The following ASAP3 variants were observed in gnomAD, a reference collection of about 807,000 sequenced individuals.
The protein encoded by ASAP3 is arf-GAP with SH3 domain, ANK repeat and PH domain-containing protein 3.
Under a neutral mutation model 118.2 loss-of-function variants are expected in ASAP3, and 85 were observed. That is an observed-to-expected ratio of 0.72 (90% CI 0.60 to 0.86). ASAP3 has a LOEUF of 0.86. Ranked by LOEUF, ASAP3 falls within the 40% of genes least tolerant of loss-of-function variation. The pLI is 0.00. For missense variants in ASAP3, 1,026 were observed against 1,175.0 expected (o/e 0.87, Z 1.85); for synonymous variants, 432 against 477.4 (o/e 0.90, Z 1.24).
At chr1:23,435,123 G>T (rs1640592158) in intron 17 of ASAP3, among the ~76,000 whole-genome samples, 1 of 152,170 alleles carries the variant, frequency 6.6e-6, no homozygotes, top group South Asian at 2.1e-4. Context: ...AACCTCCTGG[G>T]CTCAAGCCAC....
intron 1 of ASAP3, among the ~76,000 whole-genome samples, chr1:23,459,196 A>G (rs71638890): frequency 6.8e-6 from 1 of 146,970 alleles, no homozygotes. Context: ...AAAAAAAGAT[A>G]TGAACAATTT....
At chr1:23,468,684 T>C (rs61778883) in intron 1 of ASAP3, among the ~76,000 whole-genome samples, 2 of 8,660 alleles carry the variant, frequency 2.3e-4, no homozygotes, top group Non-Finnish European at 2.0e-3. Context: ...CATCCTTTAG[T>C]TGAGATAGGG....
At chr1:23,439,307 C>G in intron 10 of ASAP3, 77 bp from the exon 11 acceptor site, 1 of 1,377,404 alleles carries the variant, frequency 7.3e-7, no homozygotes, top group Non-Finnish European at 1.0e-6. Flanking sequence ...CAGAAATTTG[C>G]CCCCACCTGT....
At chr1:23,442,429 A>C in intron 6 of ASAP3, 72 bp downstream of exon 6, 1 of 1,598,148 alleles carries the variant, frequency 6.3e-7, no homozygotes, top group Non-Finnish European at 8.5e-7. Flanking sequence ...TGAGGCTGTG[A>C]CTGGTCCCCT....
intron 1 of ASAP3, among the ~76,000 whole-genome samples, chr1:23,464,491 C>CA (rs894379102): frequency 6.6e-6 from 1 of 151,260 alleles, no homozygotes; most frequent in Non-Finnish European, 1.5e-5. Flanking sequence ...CCGACCATTA[C>CA]AAAAAATTTT....
chr1:23,462,754 G>A (rs1428218983), intron 1 of ASAP3, among the ~76,000 whole-genome samples: 3 of 151,864 alleles, frequency 2.0e-5, no homozygotes, highest in Non-Finnish European at 2.9e-5. Context: ...GTGAGACTCC[G>A]TCTCAAAAAA....
Position 23,433,542 on chromosome 1 carries a change from A to G in ASAP3, c.2020-10T>C, listed in dbSNP as rs752518914. On this transcript the variant is annotated splice_polypyrimidine_tract_variant and intron_variant, in intron 20 of 24. Coordinates refer to ENST00000336689, the MANE Select transcript of ASAP3 (RefSeq NM_017707.4). ...CCTGGGCCTGCTCCAGCTGCCAAAA[A>G]CAAAGGCTTGGTGGTTCAGAGGGTT... 1.2e-6 allele frequency: 2 copies of G among 1,614,078 alleles called. No homozygotes were observed. Among genetic ancestry groups the G allele is most frequent in the Non-Finnish European group, 1.7e-6 (2 of 1,180,036 alleles).
intron 1 of ASAP3, among the ~76,000 whole-genome samples, chr1:23,478,576 C>T (rs927398879): frequency 1.3e-5 from 2 of 151,960 alleles, no homozygotes; most frequent in Non-Finnish European, 2.9e-5. Flanking sequence ...CTGGCTAACA[C>T]GGTGAAACCC....
chr1:23,462,774 A>G (rs919035354), intron 1 of ASAP3, among the ~76,000 whole-genome samples: 2 of 152,074 alleles, frequency 1.3e-5, no homozygotes, highest in African/African-American at 4.8e-5. Context: ...ACAAACAAAA[A>G]AGACACAATC....
chr1:23,437,241 A>G lies in ASAP3; in HGVS notation c.1231T>C (p.Ser411Pro). Residue 411 changes from serine (S) to proline (P), a missense_variant, in exon 14 of 25, where the codon TCC becomes CCC. Physicochemically the swap from Ser to Pro is moderately conservative, Grantham distance 74 (BLOSUM62 -1). Transcript: ENST00000336689. This position sits in a 1 kb window ranked among gnomAD's most constrained non-coding sequence, Gnocchi z 6.1. ...CCATCATGGCCGGCGGACCCCCAGG[A>G]CCCCGGGCCAGCGCTGGGCTCCCCG... ...FLGEPSAGPG[S>P]WGSAGHDGEP... The G allele has an allele frequency of 6.3e-7, 1 of 1,590,642 alleles. No individual in the cohort carries two copies.
intron 1 of ASAP3, among the ~76,000 whole-genome samples, chr1:23,457,602 T>C (rs1333980353): frequency 6.6e-6 from 1 of 152,180 alleles, no homozygotes; most frequent in Non-Finnish European, 1.5e-5. Flanking sequence ...CTGCAACCTC[T>C]GCCTGCCAGG....
intron 1 of ASAP3, among the ~76,000 whole-genome samples, chr1:23,477,897 G>A (rs1346515281): frequency 6.6e-6 from 1 of 152,122 alleles, no homozygotes; most frequent in East Asian, 1.9e-4. Flanking sequence ...TTGTTTACCT[G>A]CTTACTGTTG....
At position 23,436,066 on chromosome 1, in the gene ASAP3, G is replaced by T. The variant is rs199601428; in HGVS notation, c.1572-38C>A. On this transcript the variant is annotated intron_variant, in intron 16 of 24. Coordinates refer to ENST00000336689, the MANE Select transcript of ASAP3 (RefSeq NM_017707.4). This position sits in a 1 kb window ranked among gnomAD's most constrained non-coding sequence, Gnocchi z 4.2. ...ACCACAGGATCTCAGAGCATGGACCGTGTCTGCCCAGCTGATCCCTGGGGC... is the reference window on the plus strand; with the variant it reads ...ACCACAGGATCTCAGAGCATGGACCTTGTCTGCCCAGCTGATCCCTGGGGC... The T allele has an allele frequency of 1.2e-6, 2 of 1,606,958 alleles. No homozygotes were observed. The highest frequency in any genetic ancestry group is 1.7e-6 in the Non-Finnish European group (2 of 1,174,068).
At chr1:23,477,325 C>G (rs1031635993) in intron 1 of ASAP3, among the ~76,000 whole-genome samples, 1 of 136,982 alleles carries the variant, frequency 7.3e-6, no homozygotes, top group African/African-American at 2.7e-5. Context: ...TGCAGTGAGC[C>G]GAGATCACGC....
At chr1:23,475,223 T>C (rs1642090403) in intron 1 of ASAP3, among the ~76,000 whole-genome samples, 1 of 152,084 alleles carries the variant, frequency 6.6e-6, no homozygotes. Context: ...GAAGATCCAT[T>C]CCAATGCTGG....
At chr1:23,431,003 C>T (rs1156813842) in intron 24 of ASAP3, 32 bp downstream of exon 24, 14 of 1,502,980 alleles carry the variant, frequency 9.3e-6, no homozygotes, top group East Asian at 2.4e-5. Context: ...ACCCTGCCAC[C>T]GCCCCTCAAA....
intron 1 of ASAP3, among the ~76,000 whole-genome samples, chr1:23,460,752 AC>A (rs1312780056): frequency 6.6e-6 from 1 of 152,186 alleles, no homozygotes; most frequent in Non-Finnish European, 1.5e-5. Context: ...ACGTATACAT[AC>A]CTGCACACGG....
Position 23,429,457 on chromosome 1 carries a change from T to C in ASAP3, c.*399A>G, listed in dbSNP as rs1303433954. On this transcript the variant is annotated 3_prime_UTR_variant, in exon 25 of 25. Coordinates refer to ENST00000336689, the MANE Select transcript of ASAP3 (RefSeq NM_017707.4). ...AATGGCTGGCTGAGAAGACAGTCCCTACTTGGCAGGGTCCCTGATCTGGAA... is the reference window on the plus strand; with the variant it reads ...AATGGCTGGCTGAGAAGACAGTCCCCACTTGGCAGGGTCCCTGATCTGGAA... The C allele has an allele frequency of 6.1e-6, 1 of 162,954 alleles. No individual in the cohort carries two copies. The highest frequency in any genetic ancestry group is 2.4e-5 in the African/African-American group (1 of 41,738). The allele number at this position is 162,954 out of a possible 1,614,324, so 10.1% of individuals were successfully genotyped here.
chr1:23,471,161 G>A (rs1641950126), intron 1 of ASAP3, among the ~76,000 whole-genome samples: 2 of 152,110 alleles, frequency 1.3e-5, no homozygotes, highest in Admixed American at 1.3e-4. Flanking sequence ...TGAACTCTTG[G>A]CAATTTCCTA....
Sources: gnomAD v4.1 joint callset for allele counts (sites outside exome capture counted in the v4.1 genomes callset) on GRCh38, gnomAD v4.1.1 for gene constraint, Gnocchi (gnomAD v3.1) non-coding constraint, MANE v1.5 for transcripts, NCBI Gene and HGNC (gene_info 2026-07-23, HGNC 2026-07-21) for gene names.